Variants in LRRC66 observed in about 807,000 individuals in gnomAD.
LRRC66 encodes leucine rich repeat containing 66, also known as leucine-rich repeat-containing protein 66.
In LRRC66, 29 loss-of-function variants were observed where a neutral mutation model predicts 24.6. The ratio of observed to expected loss-of-function variants is 1.18; its 90% confidence interval spans 0.88 to 1.61. LRRC66 has a LOEUF of 1.61. LRRC66 is among the 40% of genes most tolerant of loss of function. The pLI is 0.00. For missense variants in LRRC66, 1,124 were observed against 1,058.0 expected (o/e 1.06, Z -0.87); for synonymous variants, 411 against 397.6 (o/e 1.03, Z -0.40).
chr4:51,995,764 A>T lies in LRRC66; in HGVS notation c.1258T>A (p.Tyr420Asn), dbSNP rs767383060. The T allele has an allele frequency of 7.4e-6, 12 of 1,613,892 alleles. No homozygotes were observed. Among genetic ancestry groups the T allele is most frequent in the African/African-American group, 1.3e-5 (1 of 74,862 alleles). Reference sequence around the variant, plus strand: ...TCATCGTAGAAGCCCTCGTTTGAATACGCGTTGTCCAGGCCAGGGCTTTTG... The same window carrying T: ...TCATCGTAGAAGCCCTCGTTTGAATTCGCGTTGTCCAGGCCAGGGCTTTTG... ...QSKSPGLDNA[Y>N]SNEGFYDDME... Residue 420 changes from tyrosine (Y) to asparagine (N), a missense_variant, in exon 5 of 5, where the codon TAT (tyrosine) becomes AAT (asparagine). Tyr to Asn is a moderately radical substitution (Grantham distance 143). Coordinates refer to ENST00000682860, the MANE Select transcript of LRRC66 (RefSeq NM_001024611.3).
chr4:52,000,378 G>A (rs1387672477), intron 3 of LRRC66, among the ~76,000 whole-genome samples: 1 of 152,132 alleles, frequency 6.6e-6, no homozygotes, highest in Non-Finnish European at 1.5e-5. Flanking sequence ...CAAGTTAAGT[G>A]GACCTTTTCA....
chr4:52,016,980 A>G, intron 2 of LRRC66, 138 bp downstream of exon 2: 1 of 944,680 alleles, frequency 1.1e-6, no homozygotes, highest in Non-Finnish European at 1.6e-6. Flanking sequence ...GCCACTAAGA[A>G]ACATTATTAT....
intron 2 of LRRC66, among the ~76,000 whole-genome samples, chr4:52,014,200 C>T (rs557236284): frequency 6.6e-6 from 1 of 152,156 alleles, no homozygotes; most frequent in African/African-American, 2.4e-5. Context: ...TGCGGGGAGC[C>T]GAGATCGTGC....
intron 3 of LRRC66, among the ~76,000 whole-genome samples, chr4:52,001,639 G>A (rs1736449496): frequency 2.0e-5 from 3 of 152,206 alleles, no homozygotes; most frequent in African/African-American, 7.2e-5. Context: ...AGAGAAAAGT[G>A]AGACACAGAG....
chr4:52,004,314 T>C (rs1044446180), intron 2 of LRRC66, among the ~76,000 whole-genome samples: 1 of 152,232 alleles, frequency 6.6e-6, no homozygotes, highest in Non-Finnish European at 1.5e-5. Context: ...GGTTGTCTTA[T>C]TCTATTTTGT....
intron 2 of LRRC66, among the ~76,000 whole-genome samples, chr4:52,010,003 T>C (rs546468222): frequency 2.8e-4 from 43 of 152,216 alleles, no homozygotes; most frequent in African/African-American, 1.0e-3. Context: ...AAAATGGAAT[T>C]CATCCCACGA....
chr4:52,009,764 T>C (rs1259048122), intron 2 of LRRC66, among the ~76,000 whole-genome samples: 2 of 152,152 alleles, frequency 1.3e-5, no homozygotes, highest in Non-Finnish European at 2.9e-5. Context: ...GAAACATTTA[T>C]GGAAGAAACA....
chr4:52,010,131 A>G (rs1167834774), intron 2 of LRRC66, among the ~76,000 whole-genome samples: 1 of 152,210 alleles, frequency 6.6e-6, no homozygotes, highest in African/African-American at 2.4e-5. Context: ...AACTGGGAAT[A>G]GAGAGAATTT....
chr4:51,999,573 T>C (rs1353852559), intron 3 of LRRC66, among the ~76,000 whole-genome samples: 2 of 152,204 alleles, frequency 1.3e-5, no homozygotes, highest in Non-Finnish European at 2.9e-5. Context: ...TGACAACAGA[T>C]TGAAATATTC....
chr4:51,995,610 G>C lies in LRRC66; in HGVS notation c.1412C>G (p.Pro471Arg). The part of the protein sequence containing the change: ...TQPHPHATVI[P>R]DRTLGRSRKD... ...TCTGCTCCTTCCCAGAGTTCTATCA[G>C]GAATTACGGTGGCGTGTGGGTGTGG... is the stretch of plus-strand genomic sequence containing the variant. Residue 471 changes from proline (P) to arginine (R), a missense_variant, in exon 5 of 5, where the codon CCT becomes CGT. Pro to Arg is a moderately radical substitution (Grantham distance 103, BLOSUM62 -2). Coordinates refer to ENST00000682860, the MANE Select transcript of LRRC66 (RefSeq NM_001024611.3). 4 of 1,614,118 alleles carry C rather than the reference G, an allele frequency of 2.5e-6. No individual in the cohort carries two copies. Among genetic ancestry groups the C allele is most frequent in the Non-Finnish European group, 3.4e-6 (4 of 1,180,014 alleles).
chr4:51,999,456 AG>A (rs1341432965), intron 3 of LRRC66, among the ~76,000 whole-genome samples: 1 of 152,142 alleles, frequency 6.6e-6, no homozygotes, highest in African/African-American at 2.4e-5. Context: ...TGACTCTCAA[AG>A]GAAGGTTGCC....
At chr4:52,008,530 A>G (rs1736632474) in intron 2 of LRRC66, among the ~76,000 whole-genome samples, 1 of 152,072 alleles carries the variant, frequency 6.6e-6, no homozygotes. Flanking sequence ...ATTTAAATTG[A>G]GTGTATGTCA....
In LRRC66 at chr4:51,995,608, C is replaced by G. The variant is rs746790523; in HGVS notation, c.1414G>C (p.Asp472His). ...QPHPHATVIP[D>H]RTLGRSRKDP... ...TTTCTGCTCCTTCCCAGAGTTCTAT[C>G]AGGAATTACGGTGGCGTGTGGGTGT... Residue 472 changes from aspartate to histidine, a missense_variant, in exon 5 of 5, where the codon GAT (aspartate) becomes CAT (histidine). Physicochemically the swap from Asp to His is moderately conservative, Grantham distance 81. Coordinates refer to ENST00000682860, the MANE Select transcript of LRRC66 (RefSeq NM_001024611.3). 1.0e-4 allele frequency: 164 copies of G among 1,613,994 alleles called. No homozygotes were observed. Among genetic ancestry groups the G allele is most frequent in the Non-Finnish European group, 1.3e-4 (158 of 1,180,024 alleles).
At chr4:52,005,599 C>CA (rs1309330482) in intron 2 of LRRC66, among the ~76,000 whole-genome samples, 1 of 9,974 alleles carries the variant, frequency 1.0e-4, no homozygotes, top group Non-Finnish European at 1.7e-4. Context: ...AACAAACAAA[C>CA]AACAAAAAAA....
chr4:52,019,854 T>C (rs1462879529), intron 1 of LRRC66, among the ~76,000 whole-genome samples: 1 of 152,196 alleles, frequency 6.6e-6, no homozygotes, highest in Non-Finnish European at 1.5e-5. Context: ...AAAATTGCCC[T>C]GGTTCTTTTT....
intron 1 of LRRC66, chr4:52,017,974 G>T (rs901069908): frequency 1.0e-6 from 1 of 985,228 alleles, no homozygotes; most frequent in Non-Finnish European, 1.2e-6. Flanking sequence ...CTGTTTCTTT[G>T]CAGGCCATTA....
intron 3 of LRRC66, among the ~76,000 whole-genome samples, chr4:52,002,559 C>G (rs1736480390): frequency 6.6e-6 from 1 of 152,170 alleles, no homozygotes; most frequent in Admixed American, 6.5e-5. Flanking sequence ...CTTACCCTTA[C>G]AGTAGTATAA....
intron 2 of LRRC66, among the ~76,000 whole-genome samples, chr4:52,004,994 C>T (rs1398795315): frequency 6.6e-6 from 1 of 152,182 alleles, no homozygotes; most frequent in Admixed American, 6.5e-5. Flanking sequence ...CATGGACCAT[C>T]CAACCATAAA....
At chr4:52,018,559 G>A in intron 1 of LRRC66, 1 of 985,374 alleles carries the variant, frequency 1.0e-6, no homozygotes, top group South Asian at 4.7e-5. Context: ...TGGCTTAACT[G>A]ACTTTCTTGC....
Sources: gnomAD v4.1 joint callset for allele counts (sites outside exome capture counted in the v4.1 genomes callset) on GRCh38, gnomAD v4.1.1 for gene constraint, MANE v1.5 for transcripts, NCBI Gene and HGNC (gene_info 2026-07-23, HGNC 2026-07-21) for gene names.